DOCK1: variants seen among roughly 807,000 people sequenced by gnomAD.
DOCK1 encodes the protein dedicator of cytokinesis 1, also known as dedicator of cytokinesis protein 1.
A neutral mutation model predicts 262.7 loss-of-function variants in DOCK1; 138 were observed. The observed-to-expected ratio is 0.53, with a 90% CI of 0.46 to 0.61. The LOEUF is 0.61. DOCK1 is among the 20% of genes least tolerant of loss of function. The probability of loss-of-function intolerance (pLI) is 0.00; values close to 1 mark genes in which losing one functional copy is unlikely to be tolerated. For missense variants in DOCK1, 1,908 were observed against 2,370.7 expected (o/e 0.80, Z 4.05); for synonymous variants, 866 against 867.4 (o/e 1.00, Z 0.03).
chr10:127,025,880 A>C (rs1343245056), intron 15 of DOCK1: 1 of 167,816 alleles, frequency 6.0e-6, no homozygotes, highest in Non-Finnish European at 1.3e-5. Context: ...CTAACATGGA[A>C]AAACCTTCTC....
At chr10:127,006,507 C>T (rs549553726) in intron 10 of DOCK1, among the ~76,000 whole-genome samples, 1 of 152,318 alleles carries the variant, frequency 6.6e-6, no homozygotes, top group South Asian at 2.1e-4. Context: ...TTTATTTCCT[C>T]CTTTGGTGTC....
At position 127,248,063 on chromosome 10, in the gene DOCK1, A is replaced by G. The variant is rs781055542; in HGVS notation, c.2903A>G (p.Tyr968Cys). ...TTACGACAAATGGAAGATTACCATT[A>G]TGCCCACTTGATCAAGACTTTTGGG... is the stretch of plus-strand genomic sequence containing the variant. ...AILRQMEDYH[Y>C]AHLIKTFGKM... The change falls in exon 28 of 52, where the codon TAT becomes TGT. Residue 968 changes from tyrosine to cysteine, a missense_variant. By Grantham distance (194) the Tyr-to-Cys change is radical. Coordinates refer to ENST00000623213, the MANE Select transcript of DOCK1 (RefSeq NM_001290223.2). 2.2e-5 allele frequency: 35 copies of G among 1,613,938 alleles called. No individual in the cohort carries two copies. The Admixed American group carries it at 2.3e-4, about 11-fold the overall frequency.
In DOCK1 at chr10:127,360,781, G is replaced by T. The variant is rs968215765; in HGVS notation, c.3284-1283G>T. 7.9e-5 allele frequency among the ~76,000 whole-genome samples: 12 copies of T among 152,228 alleles called. No homozygotes were observed. The East Asian group carries it at 2.1e-3, about 27-fold the overall frequency. On this transcript the variant is annotated intron_variant, in intron 32 of 51. Transcript: ENST00000623213. ...ACAGGGAAGGAATTTGTAAAATGAG[G>T]GTCACAGCTAAGCCTTCATAATCTC...
chr10:127,127,175 A>G (rs2050018673), intron 26 of DOCK1, among the ~76,000 whole-genome samples: 1 of 152,230 alleles, frequency 6.6e-6, no homozygotes, highest in Admixed American at 6.5e-5. Flanking sequence ...CGCATCCCAC[A>G]CTAATAAAAG....
At chr10:126,969,169 A>C (rs2037901324) in intron 1 of DOCK1, among the ~76,000 whole-genome samples, 1 of 152,190 alleles carries the variant, frequency 6.6e-6, no homozygotes. Context: ...TAAGACACAA[A>C]ACACACACGC....
intron 27 of DOCK1, among the ~76,000 whole-genome samples, chr10:127,244,040 A>G (rs1002973190): frequency 4.7e-4 from 72 of 152,098 alleles, no homozygotes; most frequent in African/African-American, 1.5e-3. Context: ...CCATATTTGC[A>G]TAATGTTTCT....
chr10:127,367,469 G>A (rs2064986298), intron 33 of DOCK1, among the ~76,000 whole-genome samples: 1 of 152,160 alleles, frequency 6.6e-6, no homozygotes. Flanking sequence ...GTCCAGCGCT[G>A]CAGTGAGTGC....
intron 23 of DOCK1, among the ~76,000 whole-genome samples, chr10:127,095,993 G>C (rs1391293035): frequency 6.6e-6 from 1 of 152,232 alleles, no homozygotes. Context: ...ATTGGTGGTA[G>C]AGATGGGGAA....
chr10:127,160,541 C>T (rs2053510181), intron 27 of DOCK1, among the ~76,000 whole-genome samples: 1 of 152,178 alleles, frequency 6.6e-6, no homozygotes, highest in Non-Finnish European at 1.5e-5. Flanking sequence ...TGTTAATTTT[C>T]AGCCAGTTCA....
intron 1 of DOCK1, among the ~76,000 whole-genome samples, chr10:126,915,078 T>G (rs1015744952): frequency 3.3e-5 from 5 of 152,192 alleles, no homozygotes; most frequent in African/African-American, 1.2e-4. Context: ...GGAAATGTAA[T>G]CTGACTGTGT....
chr10:127,153,733 C>A, intron 27 of DOCK1: 1 of 743,812 alleles, frequency 1.3e-6, no homozygotes, highest in South Asian at 1.7e-5. Flanking sequence ...CAAGTAAGGT[C>A]CTTCACTTTT....
At chr10:127,359,219 G>A (rs1205904419) in intron 32 of DOCK1, among the ~76,000 whole-genome samples, 4 of 151,966 alleles carry the variant, frequency 2.6e-5, no homozygotes, top group African/African-American at 9.7e-5. Flanking sequence ...GGTTTACGAA[G>A]AGTCAGTGCC....
At chr10:127,130,096 T>TCC (rs751135043) in intron 27 of DOCK1, among the ~76,000 whole-genome samples, 6 of 127,636 alleles carry the variant, frequency 4.7e-5, no homozygotes, top group African/African-American at 1.6e-4. Context: ...TTTTTTTTTT[T>TCC]CCCCTGAGAT....
chr10:127,116,780 T>A (rs1366038719), intron 25 of DOCK1, among the ~76,000 whole-genome samples: 1 of 152,162 alleles, frequency 6.6e-6, no homozygotes, highest in African/African-American at 2.4e-5. Context: ...AAGGAAAAAT[T>A]GGGGTTGGGG....
chr10:126,987,963 A>T (rs912879707), intron 5 of DOCK1: 1 of 176,122 alleles, frequency 5.7e-6, no homozygotes, highest in African/African-American at 2.4e-5. Context: ...TTTAAACAGT[A>T]ATAGGTGCTT....
At chr10:127,080,902 A>G (rs535908021) in intron 23 of DOCK1, among the ~76,000 whole-genome samples, 4 of 152,116 alleles carry the variant, frequency 2.6e-5, no homozygotes, top group African/African-American at 9.6e-5. Flanking sequence ...GTTAGCTCAT[A>G]ATTGTTTTCT....
chr10:127,420,255 T>C (rs967597988), intron 46 of DOCK1, among the ~76,000 whole-genome samples: 1 of 152,202 alleles, frequency 6.6e-6, no homozygotes, highest in Admixed American at 6.5e-5. Context: ...GTTCTACTTA[T>C]GCTCCTGGGG....
At chr10:126,909,409 T>C (rs2031427087) in intron 1 of DOCK1, among the ~76,000 whole-genome samples, 1 of 152,170 alleles carries the variant, frequency 6.6e-6, no homozygotes, top group Admixed American at 6.5e-5. Context: ...ACTGAGATAA[T>C]ACATTTGTGT....
intron 27 of DOCK1, among the ~76,000 whole-genome samples, chr10:127,174,823 G>A (rs1432568824): frequency 1.3e-5 from 2 of 152,136 alleles, no homozygotes; most frequent in Non-Finnish European, 2.9e-5. Context: ...ATTCCTAAGA[G>A]GCCTGTGGCC....
Sources: allele counts gnomAD v4.1 joint callset (sites outside exome capture counted in the v4.1 genomes callset), GRCh38; gene constraint gnomAD v4.1.1; transcripts MANE v1.5; gene names NCBI Gene and HGNC (gene_info 2026-07-23, HGNC 2026-07-21).